Variants in KDM7A observed in about 807,000 individuals in gnomAD.
The protein encoded by KDM7A is lysine-specific demethylase 7A.
In KDM7A, 28 loss-of-function variants were observed where a neutral mutation model predicts 114.8. The ratio of observed to expected loss-of-function variants is 0.24; its 90% CI spans 0.18 to 0.33. The LOEUF (loss-of-function observed/expected upper bound fraction) is 0.33, where lower values mean the gene tolerates loss of function less well. Ranked by LOEUF, KDM7A falls within the 10% of genes least tolerant of loss-of-function variation. KDM7A has a pLI of 1.00. For synonymous variants in KDM7A, 423 were observed against 397.8 expected (o/e 1.06, Z -0.75); for missense variants, 942 against 1,142.5 (o/e 0.82, Z 2.53).
intron 1 of KDM7A, among the ~76,000 whole-genome samples, chr7:140,171,587 A>T (rs1368124901): frequency 3.1e-5 from 4 of 128,814 alleles, no homozygotes; most frequent in Admixed American, 8.0e-5. Flanking sequence ...ATATATTTTT[A>T]TATAGTTGTA....
Position 140,088,996 on chromosome 7 carries a change from A to G in KDM7A, c.*2098T>C, listed in dbSNP as rs1817977882. 6.6e-6 allele frequency: 1 copy of G among 152,304 alleles called. No individual in the cohort carries two copies. The highest frequency in any genetic ancestry group is 1.5e-5 in the Non-Finnish European group (1 of 68,088). The allele number at this position is 152,304 out of a possible 1,614,324, so 9.4% of individuals were successfully genotyped here. On this transcript the variant is annotated 3_prime_UTR_variant, in exon 20 of 20. Transcript: ENST00000397560. ...AGATCATGATATAACACGAAAAGGA[A>G]ATTATAGCTCTTACACCTCGTATTT...
intron 11 of KDM7A, among the ~76,000 whole-genome samples, chr7:140,108,106 AT>A (rs1171465990): frequency 6.6e-6 from 1 of 152,098 alleles, no homozygotes; most frequent in Non-Finnish European, 1.5e-5. Context: ...TTCTTTTGCC[AT>A]GGTTTTCAGC....
chr7:140,161,587 A>G (rs1208326941), intron 1 of KDM7A, among the ~76,000 whole-genome samples: 1 of 150,054 alleles, frequency 6.7e-6, no homozygotes, highest in African/African-American at 2.5e-5. Flanking sequence ...TCGCTCTGTC[A>G]CCCAGGCTGG....
intron 1 of KDM7A, among the ~76,000 whole-genome samples, chr7:140,158,675 G>A (rs1202703046): frequency 3.3e-5 from 5 of 152,188 alleles, no homozygotes; most frequent in African/African-American, 1.2e-4. Flanking sequence ...AAACTACTGA[G>A]TTACCATGGG....
At chr7:140,111,322 T>G in intron 10 of KDM7A, 138 bp from the exon 11 acceptor site, 1 of 587,864 alleles carries the variant, frequency 1.7e-6, no homozygotes, top group Admixed American at 3.0e-5. Flanking sequence ...GGTTTCAGAG[T>G]TCGTGTAGCT....
At chr7:140,116,367 G>C (rs865895608) in intron 9 of KDM7A, among the ~76,000 whole-genome samples, 1 of 152,104 alleles carries the variant, frequency 6.6e-6, no homozygotes, top group African/African-American at 2.4e-5. Flanking sequence ...AAACAATGCT[G>C]AGTAAAAGGT....
At chr7:140,123,025 A>G (rs920658260) in intron 7 of KDM7A, among the ~76,000 whole-genome samples, 2 of 152,262 alleles carry the variant, frequency 1.3e-5, no homozygotes, top group African/African-American at 4.8e-5. Context: ...TAAAAAGGAC[A>G]ACCCAATGTT....
intron 4 of KDM7A, 115 bp from the exon 5 acceptor site, chr7:140,127,698 G>A: frequency 1.1e-6 from 1 of 890,056 alleles, no homozygotes; most frequent in South Asian, 1.4e-5. Context: ...AAACTATGTA[G>A]TCTAGACAAA....
intron 1 of KDM7A, among the ~76,000 whole-genome samples, chr7:140,158,856 A>G (rs1461905440): frequency 6.6e-6 from 1 of 152,212 alleles, no homozygotes; most frequent in African/African-American, 2.4e-5. Flanking sequence ...TTAACAATGA[A>G]AGCCTGATTG....
At chr7:140,149,486 C>T (rs886584119) in intron 1 of KDM7A, among the ~76,000 whole-genome samples, 3 of 152,136 alleles carry the variant, frequency 2.0e-5, no homozygotes, top group Admixed American at 6.6e-5. Flanking sequence ...AGGTGCTTTA[C>T]ATTTCTGAAA....
intron 3 of KDM7A, among the ~76,000 whole-genome samples, chr7:140,132,644 C>T (rs937108319): frequency 1.3e-5 from 2 of 152,142 alleles, no homozygotes; most frequent in African/African-American, 4.8e-5. Flanking sequence ...TATTTAACAC[C>T]ACAAAAATCA....
At chr7:140,138,717 T>A (rs1046586299) in intron 2 of KDM7A, among the ~76,000 whole-genome samples, 7 of 152,160 alleles carry the variant, frequency 4.6e-5, no homozygotes, top group African/African-American at 1.7e-4. Flanking sequence ...GGCATATGAG[T>A]GCATTAAAGT....
chr7:140,152,733 T>C (rs1794414902), intron 1 of KDM7A, among the ~76,000 whole-genome samples: 2 of 152,174 alleles, frequency 1.3e-5, no homozygotes, highest in Non-Finnish European at 2.9e-5. Context: ...ACTGGACCAT[T>C]CTATTTCGAA....
chr7:140,161,933 C>T (rs1169920628), intron 1 of KDM7A, among the ~76,000 whole-genome samples: 2 of 152,212 alleles, frequency 1.3e-5, no homozygotes, highest in Non-Finnish European at 2.9e-5. Context: ...TGAATACTCA[C>T]CTGACAACAG....
At chr7:140,154,256 C>T (rs540685155) in intron 1 of KDM7A, among the ~76,000 whole-genome samples, 4 of 151,208 alleles carry the variant, frequency 2.6e-5, no homozygotes, top group East Asian at 1.9e-4. Flanking sequence ...GAGGCTAAGG[C>T]GGGAGGACTT....
At chr7:140,112,482 G>A (rs1445094464) in intron 10 of KDM7A, among the ~76,000 whole-genome samples, 3 of 151,898 alleles carry the variant, frequency 2.0e-5, no homozygotes, top group Non-Finnish European at 4.4e-5. Context: ...GTGGTGGTGC[G>A]TGCCTGTAGT....
chr7:140,108,661 T>C (rs574289181), intron 11 of KDM7A, among the ~76,000 whole-genome samples: 1 of 152,332 alleles, frequency 6.6e-6, no homozygotes, highest in South Asian at 2.1e-4. Flanking sequence ...CCCAGCTGTA[T>C]GAGGTGTCAG....
intron 14 of KDM7A, among the ~76,000 whole-genome samples, 199 bp downstream of exon 14, chr7:140,098,680 C>T (rs1338241957): frequency 3.3e-5 from 5 of 152,196 alleles, no homozygotes; most frequent in Admixed American, 2.6e-4. Flanking sequence ...GAGAACACCG[C>T]CCCTGGCCAC....
intron 1 of KDM7A, among the ~76,000 whole-genome samples, chr7:140,165,598 T>C (rs981194758): frequency 6.6e-6 from 1 of 152,230 alleles, no homozygotes; most frequent in Non-Finnish European, 1.5e-5. Context: ...TGATGAAATC[T>C]TGCACCATCC....
Sources: allele counts gnomAD v4.1 joint callset (sites outside exome capture counted in the v4.1 genomes callset), GRCh38; gene constraint gnomAD v4.1.1; transcripts MANE v1.5; gene names NCBI Gene and HGNC (gene_info 2026-07-23, HGNC 2026-07-21).